The following FGF13 variants were observed in gnomAD, a reference collection of about 807,000 sequenced individuals.
The protein encoded by FGF13 is fibroblast growth factor 13.
In FGF13, 2 loss-of-function variants were observed where a neutral mutation model predicts 19.5. The observed-to-expected ratio is 0.10, with a 90% CI of 0.04 to 0.32. The LOEUF is 0.32. FGF13 is among the 10% of genes least tolerant of loss of function. FGF13 has a pLI of 1.00. For missense variants in FGF13, 113 were observed against 192.7 expected (o/e 0.59, Z 2.45); for synonymous variants, 72 against 76.9 (o/e 0.94, Z 0.33).
exon 1 of FGF13, chrX:138,739,344 G>C (rs1277557048): frequency 8.9e-7 from 1 of 1,126,667 alleles, no homozygotes; most frequent in Non-Finnish European, 1.2e-6. Flanking sequence ...GAGGAGATCA[G>C]AGAAAGTTTA....
At chrX:138,777,511 G>C (rs926637730) in intron 3 of FGF13, among the ~76,000 whole-genome samples, 4 of 111,443 alleles carry the variant, frequency 3.6e-5, no homozygotes, top group Admixed American at 9.5e-5. Flanking sequence ...CCCTTCTTCT[G>C]CCAGAGGATG....
At chrX:138,933,609 T>C (rs1361008894) in intron 1 of FGF13, among the ~76,000 whole-genome samples, 2 of 112,534 alleles carry the variant, frequency 1.8e-5, no homozygotes, top group East Asian at 5.6e-4. Context: ...TCTGGTTGAA[T>C]AACATTGTGT....
intron 3 of FGF13, among the ~76,000 whole-genome samples, chrX:138,768,738 G>GATATATATATATATATATATATAT (rs1207173971): frequency 1.1e-4 from 10 of 94,751 alleles, no homozygotes; most frequent in African/African-American, 3.8e-4. Context: ...ATATATATAT[G>GATATATATATATATATATATATAT]ATATATATAT....
In FGF13 at chrX:138,807,534, A is replaced by G. The variant is rs749295484; in HGVS notation, c.217+49978T>C. Reference sequence around the variant, plus strand: ...TCGATGCTAGGAAGAAACTGCATCAACTAACAAGCAAAATAATCAGCTAAC... The same window carrying G: ...TCGATGCTAGGAAGAAACTGCATCAGCTAACAAGCAAAATAATCAGCTAAC... On this transcript the variant is annotated intron_variant, in intron 3 of 6. Transcript: ENST00000436198. Among the ~76,000 whole-genome samples the G allele has an allele frequency of 1.5e-4, 17 of 112,162 alleles. No individual in the cohort carries two copies. In the East Asian group the frequency reaches 4.8e-3, roughly 32 times the overall value.
At chrX:138,856,616 T>A (rs1210291569), downstream of FGF13, among the ~76,000 whole-genome samples, 1 of 112,216 alleles carries the variant, frequency 8.9e-6, no homozygotes, top group South Asian at 3.7e-4. Flanking sequence ...CAAATGTTAT[T>A]CATTGGTAAA....
chrX:138,659,384 C>T (rs757468085), intron 3 of FGF13, among the ~76,000 whole-genome samples: 4 of 111,651 alleles, frequency 3.6e-5, no homozygotes, highest in East Asian at 5.7e-4. Flanking sequence ...GTTAGAATGG[C>T]GATCATTAAA....
intron 1 of FGF13, among the ~76,000 whole-genome samples, chrX:139,180,420 A>C (rs940777546): frequency 8.9e-6 from 1 of 112,106 alleles, no homozygotes. Flanking sequence ...TATTCCATGC[A>C]CAAATTGCTC....
intron 1 of FGF13, among the ~76,000 whole-genome samples, chrX:139,011,371 A>C (rs1269933491): frequency 3.9e-4 from 43 of 109,670 alleles, no homozygotes; most frequent in Middle Eastern, 4.7e-3. Flanking sequence ...CAAAAAAAAA[A>C]AAAAAAAAAG....
intron 1 of FGF13, among the ~76,000 whole-genome samples, chrX:139,088,771 T>G (rs2083420707): frequency 8.9e-6 from 1 of 111,860 alleles, no homozygotes; most frequent in African/African-American, 3.3e-5. Flanking sequence ...ACAGTCTGAA[T>G]GTCTGCATCC....
intron 3 of FGF13, among the ~76,000 whole-genome samples, chrX:138,792,095 T>C (rs1309904480): frequency 1.8e-5 from 2 of 111,669 alleles, no homozygotes; most frequent in Non-Finnish European, 3.8e-5. Flanking sequence ...CTTTCTCCCT[T>C]ACGATCAATC....
At chrX:139,031,026 C>T (rs949350113) in intron 1 of FGF13, among the ~76,000 whole-genome samples, 4 of 111,307 alleles carry the variant, frequency 3.6e-5, no homozygotes, top group Admixed American at 9.6e-5. Flanking sequence ...AAACTCTAAG[C>T]GTACACTATC....
chrX:139,123,860 C>A (rs186606484), intron 1 of FGF13, among the ~76,000 whole-genome samples: 2 of 112,465 alleles, frequency 1.8e-5, no homozygotes, highest in East Asian at 5.6e-4. Context: ...ATTAGGAGGG[C>A]CTTGAATGCC....
At chrX:138,999,658 G>A (rs1336319347) in intron 1 of FGF13, among the ~76,000 whole-genome samples, 1 of 111,777 alleles carries the variant, frequency 8.9e-6, no homozygotes, top group Non-Finnish European at 1.9e-5. Flanking sequence ...TCTCTGAATA[G>A]ACCAATAATA....
At position 138,627,597 on chromosome X, in the gene FGF13, CTGTGTGTGTGTG is replaced by C. The variant is rs4019360; in HGVS notation, c.*5241_*5252del. ...GGAGGCCCATCTAGTGTGTGTGTGC[CTGTGTGTGTGTG>C]TGTGTGTGTGTGTGTGTGCGCGTGT... On this transcript the variant is annotated 3_prime_UTR_variant, in exon 5 of 5. Coordinates refer to ENST00000315930, the MANE Select transcript of FGF13 (RefSeq NM_004114.5). 4.6e-5 allele frequency: 4 copies of C among 86,308 alleles called. No individual in the cohort carries two copies. The highest frequency in any genetic ancestry group is 6.6e-5 in the Non-Finnish European group (3 of 45,333). The allele number at this position is 86,308 out of a possible 1,213,427, so 7.1% of individuals were successfully genotyped here.
chrX:138,647,095 G>A (rs181667487), intron 3 of FGF13, among the ~76,000 whole-genome samples: 18 of 109,902 alleles, frequency 1.6e-4, no homozygotes, highest in South Asian at 1.2e-3. Context: ...GGTGAAATCC[G>A]ATAGGCTGCC....
At chrX:138,635,800 CAT>C (rs1369055974) in intron 3 of FGF13, 145 bp from the exon 4 acceptor site, 1 of 455,173 alleles carries the variant, frequency 2.2e-6, no homozygotes, top group East Asian at 3.7e-5. Context: ...CATAAACTAT[CAT>C]CATTGGAAAC....
chrX:139,186,630 T>C (rs1462268482), intron 1 of FGF13, among the ~76,000 whole-genome samples: 2 of 111,815 alleles, frequency 1.8e-5, no homozygotes, highest in African/African-American at 3.3e-5. Context: ...CTCAATGCCT[T>C]TGTGTGCCAG....
chrX:139,196,536 C>G (rs1398172808), intron 1 of FGF13, among the ~76,000 whole-genome samples: 2 of 112,056 alleles, frequency 1.8e-5, no homozygotes, highest in Non-Finnish European at 3.8e-5. Flanking sequence ...CTGGAGCAAC[C>G]ATGTATTTAG....
At chrX:138,973,339 T>G (rs981231476) in intron 1 of FGF13, among the ~76,000 whole-genome samples, 6 of 112,600 alleles carry the variant, frequency 5.3e-5, no homozygotes, top group African/African-American at 1.6e-4. Flanking sequence ...TCTAATTTCA[T>G]TCCATTGTGG....
Sources: allele counts gnomAD v4.1 joint callset (sites outside exome capture counted in the v4.1 genomes callset), GRCh38; gene constraint gnomAD v4.1.1; transcripts MANE v1.5; gene names NCBI Gene and HGNC (gene_info 2026-07-23, HGNC 2026-07-21).